DGKG: variants seen among roughly 807,000 people sequenced by gnomAD.
The protein encoded by DGKG is DAG kinase gamma.
In DGKG, 78 loss-of-function variants were observed where a neutral mutation model predicts 105.3. That is an observed-to-expected ratio of 0.74 (90% CI 0.62 to 0.89). The LOEUF is 0.89. Ranked by LOEUF, DGKG falls within the 40% of genes least tolerant of loss-of-function variation. DGKG has a pLI of 0.00. For synonymous variants in DGKG, 346 were observed against 367.1 expected (o/e 0.94, Z 0.66); for missense variants, 958 against 1,020.1 (o/e 0.94, Z 0.83).
At chr3:186,215,728 A>G (rs938597521) in intron 20 of DGKG, among the ~76,000 whole-genome samples, 3 of 152,094 alleles carry the variant, frequency 2.0e-5, no homozygotes, top group Non-Finnish European at 4.4e-5. Context: ...AACAAAAAAG[A>G]GGGGTCACAG....
At chr3:186,275,426 A>T in intron 10 of DGKG, 121 bp downstream of exon 10, 1 of 846,586 alleles carries the variant, frequency 1.2e-6, no homozygotes, top group Non-Finnish European at 2.0e-6. Flanking sequence ...TGTTGGGACA[A>T]TATGGGTGGT....
At chr3:186,241,997 C>T (rs1387708088) in intron 20 of DGKG, among the ~76,000 whole-genome samples, 1 of 152,200 alleles carries the variant, frequency 6.6e-6, no homozygotes, top group Non-Finnish European at 1.5e-5. Context: ...CTCTCTGCTG[C>T]TGCCCTCTGC....
intron 23 of DGKG, among the ~76,000 whole-genome samples, chr3:186,163,728 C>T (rs1716407450): frequency 6.6e-6 from 1 of 151,852 alleles, no homozygotes; most frequent in East Asian, 1.9e-4. Context: ...AAGAAAAAGT[C>T]CTCCTCCTTA....
At chr3:186,266,136 C>T (rs1181887671) in intron 13 of DGKG, among the ~76,000 whole-genome samples, 2 of 152,172 alleles carry the variant, frequency 1.3e-5, no homozygotes, top group Admixed American at 6.5e-5. Context: ...GGGATGGCCT[C>T]GTAACTACTA....
At chr3:186,299,841 T>TTCCTTCCTTCCTTC (rs1723827570) in intron 3 of DGKG, among the ~76,000 whole-genome samples, 1 of 74,614 alleles carries the variant, frequency 1.3e-5, no homozygotes, top group African/African-American at 5.9e-5. Context: ...TTCTTTCTTT[T>TTCCTTCCTTCCTTC]TTTTTTTTTT....
chr3:186,248,366 C>T (rs938604049), intron 19 of DGKG, among the ~76,000 whole-genome samples: 6 of 152,236 alleles, frequency 3.9e-5, no homozygotes, highest in Admixed American at 1.3e-4. Flanking sequence ...GCTTCCAGCC[C>T]GTTGCTTAGA....
chr3:186,216,534 T>G (rs894094317), intron 20 of DGKG, among the ~76,000 whole-genome samples: 1 of 152,130 alleles, frequency 6.6e-6, no homozygotes, highest in African/African-American at 2.4e-5. Flanking sequence ...GGTAGGTTAC[T>G]CTAAGATTTC....
intron 2 of DGKG, among the ~76,000 whole-genome samples, chr3:186,308,173 C>T (rs1724347801): frequency 6.6e-6 from 1 of 152,178 alleles, no homozygotes; most frequent in African/African-American, 2.4e-5. Flanking sequence ...TTCGAAAATG[C>T]TGCTTTCCAT....
At chr3:186,317,565 G>C (rs985492201) in intron 2 of DGKG, among the ~76,000 whole-genome samples, 1 of 152,178 alleles carries the variant, frequency 6.6e-6, no homozygotes, top group African/African-American at 2.4e-5. Flanking sequence ...GCTGCTTGCA[G>C]TTCTTGGAAG....
chr3:186,220,814 A>T (rs1322607703), intron 20 of DGKG, among the ~76,000 whole-genome samples: 2 of 152,166 alleles, frequency 1.3e-5, no homozygotes, highest in African/African-American at 4.8e-5. Flanking sequence ...GGCCCCTAAG[A>T]ATCTACTGCC....
intron 5 of DGKG, among the ~76,000 whole-genome samples, chr3:186,291,385 A>C (rs1487082478): frequency 6.6e-6 from 1 of 152,244 alleles, no homozygotes; most frequent in Admixed American, 6.5e-5. Flanking sequence ...AAATTAAATA[A>C]GACCAAATAA....
chr3:186,158,730 T>C (rs1716148364), intron 24 of DGKG: 9 of 972,028 alleles, frequency 9.3e-6, no homozygotes, highest in Non-Finnish European at 1.1e-5. Flanking sequence ...TCAATATCTG[T>C]CTGTCAATTC....
intron 19 of DGKG, among the ~76,000 whole-genome samples, chr3:186,243,990 A>AGGT (rs1322469352): frequency 1.5e-5 from 2 of 136,288 alleles, no homozygotes; most frequent in African/African-American, 5.4e-5. Context: ...TCTGCCTCCC[A>AGGT]GGTTCAGGCA....
intron 22 of DGKG, among the ~76,000 whole-genome samples, chr3:186,187,464 G>GT (rs2108500087): frequency 6.6e-6 from 1 of 152,334 alleles, no homozygotes; most frequent in South Asian, 2.1e-4. Context: ...AAATAAGGCT[G>GT]TGAGTGGAGA....
At chr3:186,302,558 AC>A (rs1418813084) in intron 3 of DGKG, among the ~76,000 whole-genome samples, 1 of 30,370 alleles carries the variant, frequency 3.3e-5, no homozygotes, top group Non-Finnish European at 7.5e-5. Flanking sequence ...ATATATATAT[AC>A]ACATATGTAT....
chr3:186,219,431 G>T (rs1326996809), intron 20 of DGKG, among the ~76,000 whole-genome samples: 1 of 152,248 alleles, frequency 6.6e-6, no homozygotes, highest in Non-Finnish European at 1.5e-5. Context: ...AGAGGGGGCA[G>T]TGGCCCCTTT....
At chr3:186,293,565 T>C (rs951500633) in intron 5 of DGKG, among the ~76,000 whole-genome samples, 1 of 152,176 alleles carries the variant, frequency 6.6e-6, no homozygotes, top group African/African-American at 2.4e-5. Context: ...GAGCTGACAC[T>C]CTGACAGTGA....
At chr3:186,294,832 C>T (rs996919274) in intron 5 of DGKG, among the ~76,000 whole-genome samples, 12 of 152,134 alleles carry the variant, frequency 7.9e-5, no homozygotes, top group Non-Finnish European at 1.2e-4. Context: ...GGCTGAGTGG[C>T]GTGCTGGGCA....
chr3:186,282,388 T>C (rs1281717639), intron 7 of DGKG, among the ~76,000 whole-genome samples: 1 of 152,252 alleles, frequency 6.6e-6, no homozygotes, highest in Non-Finnish European at 1.5e-5. Context: ...GATAACTCTT[T>C]TGAGATTTGC....
Sources: allele counts gnomAD v4.1 joint callset (sites outside exome capture counted in the v4.1 genomes callset), GRCh38; gene constraint gnomAD v4.1.1; transcripts MANE v1.5; gene names NCBI Gene and HGNC (gene_info 2026-07-23, HGNC 2026-07-21).